Variants in PRKG1 observed in about 807,000 individuals in gnomAD.
PRKG1 encodes protein kinase cGMP-dependent 1.
In PRKG1, 35 loss-of-function variants were observed where a neutral mutation model predicts 88.1. The ratio of observed to expected loss-of-function variants is 0.40; its 90% CI spans 0.30 to 0.53. The LOEUF is 0.53. PRKG1 is among the 20% of genes least tolerant of loss of function. PRKG1 has a pLI of 0.59. For missense variants in PRKG1, 540 were observed against 839.8 expected (o/e 0.64, Z 4.41); for synonymous variants, 303 against 292.5 (o/e 1.04, Z -0.37).
At chr10:51,134,223 T>C (rs1188494380) in intron 1 of PRKG1, among the ~76,000 whole-genome samples, 1 of 152,232 alleles carries the variant, frequency 6.6e-6, no homozygotes. Flanking sequence ...ATGTGCCAGA[T>C]GAGAAATTTT....
chr10:51,535,327 A>G (rs1842119021), intron 3 of PRKG1, among the ~76,000 whole-genome samples: 1 of 152,202 alleles, frequency 6.6e-6, no homozygotes, highest in Non-Finnish European at 1.5e-5. Flanking sequence ...AGTCATAAAA[A>G]TTGCCAAGGT....
At chr10:51,676,283 T>C (rs1002698908) in intron 3 of PRKG1, among the ~76,000 whole-genome samples, 4 of 152,078 alleles carry the variant, frequency 2.6e-5, no homozygotes, top group African/African-American at 9.7e-5. Context: ...GGAGCCCATG[T>C]GGCTAGTGAT....
At chr10:51,711,871 G>T (rs537871207) in intron 3 of PRKG1, among the ~76,000 whole-genome samples, 47 of 152,216 alleles carry the variant, frequency 3.1e-4, no homozygotes, top group Admixed American at 2.1e-3. Flanking sequence ...TAAACCAGGG[G>T]GGTAATGAGT....
At chr10:51,544,261 T>C (rs1005973202) in intron 3 of PRKG1, among the ~76,000 whole-genome samples, 2 of 132,222 alleles carry the variant, frequency 1.5e-5, no homozygotes, top group African/African-American at 5.6e-5. Context: ...TGTGTCCAAG[T>C]GTTTGCATTG....
At chr10:51,942,039 A>G (rs939918710) in intron 5 of PRKG1, among the ~76,000 whole-genome samples, 1 of 152,094 alleles carries the variant, frequency 6.6e-6, no homozygotes, top group African/African-American at 2.4e-5. Flanking sequence ...GGACTTCCAC[A>G]AGGGTTGAAC....
intron 2 of PRKG1, among the ~76,000 whole-genome samples, chr10:51,353,479 A>G (rs1842296608): frequency 6.6e-6 from 1 of 151,014 alleles, no homozygotes; most frequent in African/African-American, 2.4e-5. Context: ...TGATTTAAAA[A>G]TGGGCAAAAG....
At chr10:51,245,016 T>C (rs981405773) in intron 2 of PRKG1, 1 of 152,094 alleles carries the variant, frequency 6.6e-6, no homozygotes, top group Non-Finnish European at 1.5e-5. Flanking sequence ...AAGAGTTGAT[T>C]AGAATTTTAC....
intron 3 of PRKG1, among the ~76,000 whole-genome samples, chr10:51,784,101 T>A (rs985029599): frequency 6.6e-6 from 1 of 152,084 alleles, no homozygotes; most frequent in African/African-American, 2.4e-5. Flanking sequence ...TTGACTGATA[T>A]GTTCTTTCCC....
chr10:51,661,495 T>C (rs1045486248), intron 3 of PRKG1, among the ~76,000 whole-genome samples: 1 of 152,102 alleles, frequency 6.6e-6, no homozygotes, highest in African/African-American at 2.4e-5. Context: ...TCATCACTGG[T>C]CATCAGAGAG....
intron 5 of PRKG1, among the ~76,000 whole-genome samples, chr10:51,947,320 C>T (rs1017144384): frequency 6.6e-6 from 1 of 152,102 alleles, no homozygotes; most frequent in African/African-American, 2.4e-5. Context: ...GTCAGAAAAG[C>T]GCAGTATTGG....
intron 3 of PRKG1, among the ~76,000 whole-genome samples, chr10:51,591,910 C>T (rs911717908): frequency 3.3e-5 from 5 of 152,090 alleles, no homozygotes; most frequent in Non-Finnish European, 5.9e-5. Context: ...CTTAAGAGCC[C>T]CTTTTAAGAG....
chr10:51,789,583 T>C (rs1473527302), intron 3 of PRKG1, among the ~76,000 whole-genome samples: 3 of 152,142 alleles, frequency 2.0e-5, no homozygotes, highest in Non-Finnish European at 4.4e-5. Context: ...ATATGAGGCC[T>C]GTTTATGATG....
At chr10:52,283,793 C>T (rs1842053176) in intron 14 of PRKG1, among the ~76,000 whole-genome samples, 1 of 151,786 alleles carries the variant, frequency 6.6e-6, no homozygotes. Flanking sequence ...GGTAAATAGG[C>T]AGAGAGATAG....
intron 5 of PRKG1, among the ~76,000 whole-genome samples, chr10:52,025,066 T>A (rs1220204870): frequency 1.3e-5 from 2 of 152,266 alleles, no homozygotes. Flanking sequence ...TGATTTCCAT[T>A]TCTCTGATGA....
chr10:51,470,157 A>T (rs962012446), intron 3 of PRKG1, among the ~76,000 whole-genome samples: 21 of 151,906 alleles, frequency 1.4e-4, no homozygotes, highest in African/African-American at 5.1e-4. Flanking sequence ...ATAACTCCCA[A>T]TGCTGTCTTA....
chr10:51,134,594 A>G (rs372315942), intron 1 of PRKG1, among the ~76,000 whole-genome samples: 3 of 152,136 alleles, frequency 2.0e-5, no homozygotes, highest in East Asian at 1.9e-4. Flanking sequence ...AATAATAGTG[A>G]ATGTCAACCT....
intron 2 of PRKG1, among the ~76,000 whole-genome samples, chr10:51,278,350 G>T (rs1294571494): frequency 3.3e-5 from 5 of 152,144 alleles, no homozygotes; most frequent in African/African-American, 1.2e-4. Flanking sequence ...GCTGGATTCA[G>T]TTTGCCCGTA....
chr10:51,699,060 G>A, intron 3 of PRKG1: 1 of 1,614,214 alleles, frequency 6.2e-7, no homozygotes, highest in Non-Finnish European at 8.5e-7. Context: ...TGTGGATTTT[G>A]AAGTAACATG....
chr10:51,751,130 T>A (rs1837714165), intron 3 of PRKG1, among the ~76,000 whole-genome samples: 1 of 152,188 alleles, frequency 6.6e-6, no homozygotes, highest in Non-Finnish European at 1.5e-5. Flanking sequence ...TTAATTCACT[T>A]CCTCAGGGAC....
Sources: allele counts gnomAD v4.1 joint callset (sites outside exome capture counted in the v4.1 genomes callset), GRCh38; gene constraint gnomAD v4.1.1; transcripts MANE v1.5; gene names NCBI Gene and HGNC (gene_info 2026-07-23, HGNC 2026-07-21).